ACER3: variants seen among roughly 807,000 people sequenced by gnomAD.
ACER3 encodes the protein alkCDase 3.
Under a neutral mutation model 48.9 loss-of-function variants are expected in ACER3, and 16 were observed. The observed-to-expected ratio is 0.33, with a 90% CI of 0.22 to 0.50. ACER3 has a LOEUF of 0.50. Ranked by LOEUF, ACER3 falls within the 20% of genes least tolerant of loss-of-function variation. The pLI, the probability that ACER3 is intolerant of heterozygous loss-of-function variation, is 0.98. For missense variants in ACER3, 227 were observed against 326.0 expected (o/e 0.70, Z 2.34); for synonymous variants, 109 against 107.8 (o/e 1.01, Z -0.07).
At chr11:76,990,645 A>G in intron 6 of ACER3, 71 bp downstream of exon 6, 1 of 1,047,034 alleles carries the variant, frequency 9.6e-7, no homozygotes. Flanking sequence ...TCCTTGTCTA[A>G]GAAATGATAT....
intron 7 of ACER3, among the ~76,000 whole-genome samples, chr11:77,009,413 G>T (rs1404122559): frequency 2.6e-5 from 4 of 152,144 alleles, no homozygotes; most frequent in African/African-American, 9.7e-5. Flanking sequence ...CTCCCACCAG[G>T]CCCCACTTAG....
At chr11:76,888,485 T>A (rs1347726326) in intron 1 of ACER3, among the ~76,000 whole-genome samples, 1 of 152,188 alleles carries the variant, frequency 6.6e-6, no homozygotes, top group Non-Finnish European at 1.5e-5. Context: ...GTCCTTTGTT[T>A]ATGATCTCAC....
chr11:76,965,850 A>G (rs1948122855), intron 3 of ACER3, among the ~76,000 whole-genome samples: 1 of 151,362 alleles, frequency 6.6e-6, no homozygotes, highest in African/African-American at 2.5e-5. Flanking sequence ...GCCACTGCAA[A>G]AACATGCCAA....
intron 1 of ACER3, among the ~76,000 whole-genome samples, chr11:76,863,161 A>G (rs897465258): frequency 6.6e-6 from 1 of 152,162 alleles, no homozygotes; most frequent in Non-Finnish European, 1.5e-5. Context: ...CAGGAGTTCA[A>G]GGTTGCTGTG....
At chr11:76,865,539 C>T (rs1440742372) in intron 1 of ACER3, among the ~76,000 whole-genome samples, 1 of 150,672 alleles carries the variant, frequency 6.6e-6, no homozygotes, top group African/African-American at 2.5e-5. Flanking sequence ...GACGGAATCT[C>T]GCTCTGTCAC....
intron 2 of ACER3, 57 bp downstream of exon 2, chr11:76,926,724 C>T: frequency 2.6e-6 from 3 of 1,141,134 alleles, no homozygotes; most frequent in Non-Finnish European, 3.8e-6. Flanking sequence ...CCATTTTTCT[C>T]ATTCATTTCT....
intron 2 of ACER3, among the ~76,000 whole-genome samples, chr11:76,937,360 C>G (rs1205082920): frequency 6.6e-6 from 1 of 152,188 alleles, no homozygotes; most frequent in Non-Finnish European, 1.5e-5. Context: ...AACAATCACA[C>G]TTCTAAGAAT....
chr11:76,969,113 T>C (rs1174390290), intron 3 of ACER3, among the ~76,000 whole-genome samples: 6 of 151,382 alleles, frequency 4.0e-5, no homozygotes, highest in Non-Finnish European at 7.4e-5. Context: ...AACAAACAAC[T>C]CCATCAAAAA....
chr11:76,871,241 A>G (rs1945233977), intron 1 of ACER3, among the ~76,000 whole-genome samples: 1 of 152,262 alleles, frequency 6.6e-6, no homozygotes, highest in Non-Finnish European at 1.5e-5. Context: ...TATATAGTGT[A>G]AAGCAAAAAG....
intron 7 of ACER3, among the ~76,000 whole-genome samples, chr11:77,005,460 G>A (rs1299576015): frequency 6.6e-6 from 1 of 151,908 alleles, no homozygotes; most frequent in African/African-American, 2.4e-5. Flanking sequence ...GATTCCTAGG[G>A]CCACCATGAC....
At chr11:76,890,335 C>T (rs1015558428) in intron 1 of ACER3, among the ~76,000 whole-genome samples, 20 of 152,180 alleles carry the variant, frequency 1.3e-4, no homozygotes, top group African/African-American at 3.9e-4. Flanking sequence ...TTGGCTTTAA[C>T]GCTGTATCCC....
intron 1 of ACER3, among the ~76,000 whole-genome samples, chr11:76,921,895 G>A (rs1180805005): frequency 1.3e-5 from 2 of 152,066 alleles, no homozygotes; most frequent in Admixed American, 1.3e-4. Flanking sequence ...TTCCTTATAT[G>A]TTGTGTTTTA....
At chr11:76,872,911 C>CTTTTTTTTTTTTTTTTTTTTTTTCTTTTT (rs59654087) in intron 1 of ACER3, among the ~76,000 whole-genome samples, 2 of 68,708 alleles carry the variant, frequency 2.9e-5, no homozygotes, top group Non-Finnish European at 6.9e-5. Context: ...TTTTCTTTTT[C>CTTTTTTTTTTTTTTTTTTTTTTTCTTTTT]TTTTTTTTTT....
intron 1 of ACER3, among the ~76,000 whole-genome samples, chr11:76,899,164 A>G (rs1275685665): frequency 1.6e-4 from 24 of 152,186 alleles, no homozygotes; most frequent in Non-Finnish European, 1.0e-4. Flanking sequence ...TTTTGCTAAT[A>G]TGAAAAACAA....
At chr11:76,874,948 G>A (rs930999280) in intron 1 of ACER3, among the ~76,000 whole-genome samples, 1 of 151,924 alleles carries the variant, frequency 6.6e-6, no homozygotes, top group Non-Finnish European at 1.5e-5. Context: ...TTGGCTTGTC[G>A]TTTGTCATTT....
chr11:76,943,505 A>G (rs1369399904), intron 2 of ACER3, among the ~76,000 whole-genome samples: 1 of 151,986 alleles, frequency 6.6e-6, no homozygotes, highest in South Asian at 2.1e-4. Flanking sequence ...GCTTTATTCC[A>G]CTGTGATCTG....
At chr11:76,906,970 T>C (rs980218691) in intron 1 of ACER3, among the ~76,000 whole-genome samples, 4 of 152,338 alleles carry the variant, frequency 2.6e-5, no homozygotes, top group African/African-American at 9.6e-5. Flanking sequence ...TTTGTTACAT[T>C]ATTCTTTATT....
At chr11:76,930,649 A>C (rs1248052154) in intron 2 of ACER3, among the ~76,000 whole-genome samples, 1 of 151,020 alleles carries the variant, frequency 6.6e-6, no homozygotes, top group Non-Finnish European at 1.5e-5. Context: ...TGTCCCAGAG[A>C]TTCTGGTATG....
intron 2 of ACER3, among the ~76,000 whole-genome samples, chr11:76,951,368 A>G (rs558102947): frequency 6.6e-5 from 10 of 152,318 alleles, no homozygotes; most frequent in African/African-American, 1.9e-4. Flanking sequence ...TGAAGTGGAT[A>G]TAGTCAACAT....
Sources: gnomAD v4.1 joint callset for allele counts (sites outside exome capture counted in the v4.1 genomes callset) on GRCh38, gnomAD v4.1.1 for gene constraint, MANE v1.5 for transcripts, NCBI Gene and HGNC (gene_info 2026-07-23, HGNC 2026-07-21) for gene names.